ARHGEF37: variants seen among roughly 807,000 people sequenced by gnomAD.
The protein encoded by ARHGEF37 is Rho guanine nucleotide exchange factor (GEF) 37.
Under a neutral mutation model 71.1 loss-of-function variants are expected in ARHGEF37, and 55 were observed. That is an observed-to-expected ratio of 0.77 (90% CI 0.62 to 0.97). The LOEUF (loss-of-function observed/expected upper bound fraction) is 0.97, where lower values mean the gene tolerates loss of function less well. Ranked by LOEUF, ARHGEF37 falls within the 50% of genes least tolerant of loss-of-function variation. The pLI is 0.00. For synonymous variants in ARHGEF37, 327 were observed against 350.6 expected (o/e 0.93, Z 0.75); for missense variants, 765 against 836.8 (o/e 0.91, Z 1.06).
rs966257089 is a variant in ARHGEF37, at chr5:149,627,129, C to T, written c.1518C>T (p.Gly506=). The T allele has an allele frequency of 3.1e-6, 5 of 1,614,156 alleles. No homozygotes were observed. Among genetic ancestry groups the T allele is most frequent in the Middle Eastern group, 1.6e-4 (1 of 6,062 alleles). Residue 506 remains glycine (G), a synonymous_variant, in exon 11 of 13, where the codon GGC becomes GGT. Transcript: ENST00000333677. ...TGCAGGCTCTCCTGAGCAGGTATGG[C>T]CCTGGGAAGCTGTACCAGGTGACAA... ...RQVQALLSRY[G]PGKLYQVTSN...
chr5:149,624,429 G>A (rs982049531), intron 10 of ARHGEF37, among the ~76,000 whole-genome samples: 1 of 152,124 alleles, frequency 6.6e-6, no homozygotes, highest in Non-Finnish European at 1.5e-5. Context: ...CGTAATGATG[G>A]GCAACTGGCA....
At chr5:149,552,016 C>T (rs759065877) in exon 1 of ARHGEF37, 3 of 152,014 alleles carry the variant, frequency 2.0e-5, no homozygotes, top group Admixed American at 1.3e-4. Context: ...GTGTTATAGA[C>T]CCTCTTTCCA....
chr5:149,581,335 G>A (rs1030417895), upstream of ARHGEF37: 10 of 152,338 alleles, frequency 6.6e-5, no homozygotes, highest in African/African-American at 2.4e-4. Context: ...CTGCCAGCCA[G>A]GGCACGGTTC....
At chr5:149,592,859 T>C (rs145627608) in intron 1 of ARHGEF37, among the ~76,000 whole-genome samples, 4,199 of 152,308 alleles carry the variant, frequency 0.028, 185 homozygotes, top group African/African-American at 0.097. Flanking sequence ...AACCTCCGTC[T>C]CCTGGGTTCA....
intron 4 of ARHGEF37, among the ~76,000 whole-genome samples, chr5:149,616,316 C>T (rs2400892): frequency 0.63 from 96,490 of 151,978 alleles, 31,356 homozygotes; most frequent in Middle Eastern, 0.86. Context: ...GTGGAGAGGC[C>T]GAGCAAGCTG....
chr5:149,586,375 C>A (rs1444523682), intron 1 of ARHGEF37, among the ~76,000 whole-genome samples: 1 of 152,240 alleles, frequency 6.6e-6, no homozygotes, highest in Admixed American at 6.5e-5. Flanking sequence ...GATTCTCCTG[C>A]CTCAGCCTCC....
At chr5:149,631,175 T>G (rs1752872832) in intron 12 of ARHGEF37, among the ~76,000 whole-genome samples, 1 of 150,674 alleles carries the variant, frequency 6.6e-6, no homozygotes, top group Non-Finnish European at 1.5e-5. Context: ...TTCCTTTCTT[T>G]TTTTCTTTTT....
At chr5:149,579,999 G>A (rs1293552152), upstream of ARHGEF37, among the ~76,000 whole-genome samples, 1 of 152,164 alleles carries the variant, frequency 6.6e-6, no homozygotes, top group African/African-American at 2.4e-5. Context: ...AGATCATACA[G>A]GTTAGGTCTA....
chr5:149,617,367 C>T (rs970356819), intron 5 of ARHGEF37, among the ~76,000 whole-genome samples: 2 of 152,146 alleles, frequency 1.3e-5, no homozygotes, highest in Admixed American at 1.3e-4. Context: ...AAGAGCTGTG[C>T]ATATATCTGG....
chr5:149,587,329 C>T lies in ARHGEF37; in HGVS notation c.-12+5705C>T, dbSNP rs181691428. On this transcript the variant is annotated intron_variant, in intron 1 of 12. Coordinates refer to ENST00000333677, the MANE Select transcript of ARHGEF37 (RefSeq NM_001001669.3). ...TCGGCCATGTGTCTTTAGACAACTT[C>T]ATACATCTGATCAATGGTAATGCTA... Among the ~76,000 whole-genome samples, 400 of 152,256 alleles carry T rather than the reference C, an allele frequency of 2.6e-3. 2 individuals are homozygous for T. The highest frequency in any genetic ancestry group is 4.6e-3 in the Non-Finnish European group (310 of 68,018).
chr5:149,554,167 C>CA (rs900226225), intron 1 of ARHGEF37, among the ~76,000 whole-genome samples: 2 of 151,102 alleles, frequency 1.3e-5, no homozygotes, highest in Non-Finnish European at 1.5e-5. Context: ...GACTTTGTCT[C>CA]AAAAAAAAAG....
Position 149,618,302 on chromosome 5 carries a change from C to G in ARHGEF37, c.785C>G (p.Pro262Arg). ...CTGAAGCAGGAGGCGGGGCTGATCC[C>G]CAGGGTGAGCGTGCGCCTGGGAGGA... ...QLLKQEAGLI[P>R]RTEDKEFDDL... is the part of the protein sequence containing the mutation. The change falls in exon 6 of 13, where the codon CCC becomes CGC. Residue 262 changes from proline to arginine, a missense_variant. Pro to Arg is a moderately radical substitution (Grantham distance 103, BLOSUM62 -2). Transcript: ENST00000333677. 1 of 1,614,162 alleles carries G rather than the reference C, an allele frequency of 6.2e-7. No individual in the cohort carries two copies. The highest frequency in any genetic ancestry group is 8.5e-7 in the Non-Finnish European group (1 of 1,180,026).
intron 1 of ARHGEF37, among the ~76,000 whole-genome samples, chr5:149,573,170 A>C (rs1762988616): frequency 6.6e-6 from 1 of 152,122 alleles, no homozygotes; most frequent in South Asian, 2.1e-4. Context: ...TTTACTCACT[A>C]CCTTGAGGAT....
At chr5:149,576,432 A>G (rs1394523573) in intron 1 of ARHGEF37, among the ~76,000 whole-genome samples, 3 of 152,230 alleles carry the variant, frequency 2.0e-5, no homozygotes, top group Non-Finnish European at 4.4e-5. Context: ...TAGAAAGAAG[A>G]TGGTAACACT....
At chr5:149,629,562 G>A (rs1350965842) in intron 12 of ARHGEF37, among the ~76,000 whole-genome samples, 1 of 152,150 alleles carries the variant, frequency 6.6e-6, no homozygotes, top group African/African-American at 2.4e-5. Context: ...CCCAGTGACA[G>A]GAGAGGGCAG....
intron 10 of ARHGEF37, among the ~76,000 whole-genome samples, chr5:149,626,339 T>C (rs975143944): frequency 1.3e-5 from 2 of 152,108 alleles, no homozygotes; most frequent in African/African-American, 4.8e-5. Context: ...TAGTTTCTTA[T>C]TGATTTTGCA....
rs779794106 is a variant in ARHGEF37 at position 149,618,246 on chromosome 5, C to T, written c.729C>T (p.Leu243=). The change falls in exon 6 of 13, where the codon CTC becomes CTT. Residue 243 remains leucine, a synonymous_variant. Coordinates refer to ENST00000333677, the MANE Select transcript of ARHGEF37 (RefSeq NM_001001669.3). ...TGGCCCGCATCAACACACACACCCT[C>T]TCCAAGAAGACCACCCGGCTGAGCC... ...ERLARINTHT[L]SKKTTRLSQL... is the part of the protein sequence containing the mutation. 6.2e-7 allele frequency: 1 copy of T among 1,614,264 alleles called. No homozygotes were observed. Among genetic ancestry groups the T allele is most frequent in the South Asian group, 1.1e-5 (1 of 91,090 alleles).
intron 4 of ARHGEF37, among the ~76,000 whole-genome samples, chr5:149,612,368 C>T (rs1319330802): frequency 6.6e-6 from 1 of 152,142 alleles, no homozygotes; most frequent in Non-Finnish European, 1.5e-5. Flanking sequence ...GGGGTTTCAC[C>T]GTGTTAGCCA....
chr5:149,616,475 T>G, intron 4 of ARHGEF37, 92 bp from the exon 5 acceptor site: 400 of 1,235,052 alleles, frequency 3.2e-4, no homozygotes, highest in Non-Finnish European at 4.1e-4. Context: ...GATCACACAG[T>G]GAGCTAAATG....
Sources: allele counts gnomAD v4.1 joint callset (sites outside exome capture counted in the v4.1 genomes callset), GRCh38; gene constraint gnomAD v4.1.1; transcripts MANE v1.5; gene names NCBI Gene and HGNC (gene_info 2026-07-23, HGNC 2026-07-21).